SNTG2: variants seen among roughly 807,000 people sequenced by gnomAD.
SNTG2 encodes gamma-2-syntrophin.
Under a neutral mutation model 70.9 loss-of-function variants are expected in SNTG2, and 74 were observed. The ratio of observed to expected loss-of-function variants is 1.04; its 90% CI spans 0.86 to 1.27. The LOEUF (loss-of-function observed/expected upper bound fraction) is 1.27, where lower values mean the gene tolerates loss of function less well. SNTG2 is among the 50% of genes most tolerant of loss of function. SNTG2 has a pLI of 0.00. For synonymous variants in SNTG2, 278 were observed against 273.8 expected (o/e 1.02, Z -0.15); for missense variants, 717 against 690.7 (o/e 1.04, Z -0.43).
chr2:1,322,173 G>T (rs1681562302), intron 16 of SNTG2, among the ~76,000 whole-genome samples: 1 of 152,094 alleles, frequency 6.6e-6, no homozygotes, highest in South Asian at 2.1e-4. Flanking sequence ...TTTCTAAGCA[G>T]TGGCAACAAG....
chr2:1,111,188 AT>A (rs1666415399), intron 4 of SNTG2, among the ~76,000 whole-genome samples: 1 of 152,270 alleles, frequency 6.6e-6, no homozygotes, highest in Admixed American at 6.5e-5. Flanking sequence ...CTATCAAAGT[AT>A]AAATAGAACT....
rs1000888236 is a variant in SNTG2 at position 1,097,563 on chromosome 2, C to T, written c.211-633C>T. On this transcript the variant is annotated intron_variant, in intron 2 of 16. Transcript: ENST00000308624. The surrounding 1 kb of genome is among the most constrained non-coding windows in gnomAD (Gnocchi z 4.1). Reference sequence around the variant, plus strand: ...TCGCATTCATCAGATTAGACCACAGCAAAACATAGGTGCATGGCTTAATGC... The same window carrying T: ...TCGCATTCATCAGATTAGACCACAGTAAAACATAGGTGCATGGCTTAATGC... Among the ~76,000 whole-genome samples, 29 of 152,246 alleles carry T rather than the reference C, an allele frequency of 1.9e-4. No individual in the cohort carries two copies. The highest frequency in any genetic ancestry group is 6.7e-4 in the African/African-American group (28 of 41,554).
At chr2:1,280,872 A>C (rs1372189313) in intron 14 of SNTG2, among the ~76,000 whole-genome samples, 1 of 152,232 alleles carries the variant, frequency 6.6e-6, no homozygotes, top group Non-Finnish European at 1.5e-5. Flanking sequence ...AGTTTGTCAA[A>C]TCCGATAATT....
In SNTG2 at chr2:1,186,395, A is replaced by G. The variant is rs186164264; in HGVS notation, c.591+13212A>G. ...CAAAGTCACTTTCACATTTTCAGGT[A>G]TCTTTATAGCAATACCTTAGCAGTA... On this transcript the variant is annotated intron_variant, in intron 8 of 16. Coordinates refer to ENST00000308624, the MANE Select transcript of SNTG2 (RefSeq NM_018968.4). Among the ~76,000 whole-genome samples, 10 of 152,300 alleles carry G rather than the reference A, an allele frequency of 6.6e-5. No homozygotes were observed. The East Asian group carries it at 1.7e-3, about 26-fold the overall frequency.
chr2:1,257,649 G>A (rs1384831405), intron 12 of SNTG2, among the ~76,000 whole-genome samples: 2 of 152,182 alleles, frequency 1.3e-5, no homozygotes, highest in Non-Finnish European at 2.9e-5. Context: ...TATGGAAAAT[G>A]CATTCAATGT....
At chr2:1,203,538 C>A (rs1673414575) in intron 8 of SNTG2, among the ~76,000 whole-genome samples, 1 of 151,650 alleles carries the variant, frequency 6.6e-6, no homozygotes, top group Non-Finnish European at 1.5e-5. Flanking sequence ...TCTGTAATCC[C>A]AGCTTCTCAG....
chr2:1,309,280 G>A (rs1373867135), intron 15 of SNTG2, among the ~76,000 whole-genome samples: 1 of 152,180 alleles, frequency 6.6e-6, no homozygotes, highest in Non-Finnish European at 1.5e-5. Context: ...GTTATCTCAT[G>A]GTCATTTCCT....
chr2:1,267,929 A>G (rs557345834), intron 14 of SNTG2, among the ~76,000 whole-genome samples: 2 of 152,334 alleles, frequency 1.3e-5, no homozygotes, highest in African/African-American at 4.8e-5. Context: ...TAGCTTACAA[A>G]TGAGTATAAT....
At chr2:1,087,139 G>A (rs1486475420) in intron 2 of SNTG2, among the ~76,000 whole-genome samples, 1 of 152,176 alleles carries the variant, frequency 6.6e-6, no homozygotes, top group Non-Finnish European at 1.5e-5. Context: ...GCAGATAGCA[G>A]CCCTCAGGTT....
At chr2:997,518 G>T (rs981482714) in intron 1 of SNTG2, among the ~76,000 whole-genome samples, 1 of 152,232 alleles carries the variant, frequency 6.6e-6, no homozygotes, top group African/African-American at 2.4e-5. Flanking sequence ...CTTCATTAAA[G>T]ACTTCAATCT....
chr2:1,101,745 C>T (rs549176986), intron 4 of SNTG2, among the ~76,000 whole-genome samples: 3 of 152,288 alleles, frequency 2.0e-5, no homozygotes, highest in Middle Eastern at 3.4e-3. Context: ...GGAATACCTA[C>T]GGATGCTAAG....
chr2:1,169,619 C>T (rs1670989004), intron 7 of SNTG2, among the ~76,000 whole-genome samples: 1 of 152,244 alleles, frequency 6.6e-6, no homozygotes, highest in Middle Eastern at 3.4e-3. Context: ...TGTTGAGATT[C>T]ACATCCTGAC....
At chr2:1,076,640 G>A (rs973582187) in intron 1 of SNTG2, among the ~76,000 whole-genome samples, 2 of 152,146 alleles carry the variant, frequency 1.3e-5, no homozygotes, top group African/African-American at 4.8e-5. Flanking sequence ...AAAGACATAC[G>A]AGAATGATCT....
chr2:1,230,658 C>A (rs1306264422), intron 9 of SNTG2, among the ~76,000 whole-genome samples: 2 of 152,236 alleles, frequency 1.3e-5, no homozygotes, highest in Non-Finnish European at 2.9e-5. Context: ...GTGCCCAGAT[C>A]CATGGGTCCC....
chr2:1,191,869 ATATAT>A (rs1179712926), intron 8 of SNTG2, among the ~76,000 whole-genome samples: 1 of 151,244 alleles, frequency 6.6e-6, no homozygotes, highest in African/African-American at 2.5e-5. Flanking sequence ...TTATAACTTT[ATATAT>A]TATATATGTA....
At chr2:1,153,527 A>G (rs1669658873) in intron 6 of SNTG2, among the ~76,000 whole-genome samples, 1 of 152,254 alleles carries the variant, frequency 6.6e-6, no homozygotes, top group Non-Finnish European at 1.5e-5. Context: ...AAAAGTGCGT[A>G]CACAGTCATC....
intron 1 of SNTG2, among the ~76,000 whole-genome samples, chr2:977,475 C>T (rs866945881): frequency 6.6e-6 from 1 of 152,150 alleles, no homozygotes. Flanking sequence ...ACCACCCAGT[C>T]CTCTGCCTCA....
chr2:1,232,404 A>G (rs1449233646), intron 9 of SNTG2, among the ~76,000 whole-genome samples: 13 of 151,774 alleles, frequency 8.6e-5, no homozygotes, highest in Admixed American at 8.5e-4. Context: ...GGTTCAAGGG[A>G]TTCTCCTGCC....
intron 1 of SNTG2, among the ~76,000 whole-genome samples, chr2:1,004,409 T>C (rs1003273965): frequency 6.6e-5 from 10 of 152,322 alleles, no homozygotes; most frequent in African/African-American, 2.4e-4. Context: ...GTAGAAAGTA[T>C]TTGAAAAATA....
Sources: allele counts gnomAD v4.1 joint callset (sites outside exome capture counted in the v4.1 genomes callset), GRCh38; gene constraint gnomAD v4.1.1; non-coding constraint Gnocchi (gnomAD v3.1); transcripts MANE v1.5; gene names NCBI Gene and HGNC (gene_info 2026-07-23, HGNC 2026-07-21).